NOLC1: variants seen among roughly 807,000 people sequenced by gnomAD.
The protein encoded by NOLC1 is 140 kDa nucleolar phosphoprotein.
Under a neutral mutation model 73.4 loss-of-function variants are expected in NOLC1, and 37 were observed. The ratio of observed to expected loss-of-function variants is 0.50; its 90% CI spans 0.39 to 0.66. NOLC1 has a LOEUF of 0.66. Among genes scored for constraint, NOLC1 ranks in the 30% least tolerant of loss-of-function variants. NOLC1 has a pLI of 0.00. For missense variants in NOLC1, 921 were observed against 838.9 expected (o/e 1.10, Z -1.21); for synonymous variants, 327 against 302.6 (o/e 1.08, Z -0.84).
At chr10:102,153,434 A>G (rs577370433) in intron 1 of NOLC1, among the ~76,000 whole-genome samples, 83 of 152,226 alleles carry the variant, frequency 5.5e-4, no homozygotes, top group African/African-American at 1.9e-3. Flanking sequence ...GAGAGGAGAG[A>G]GGGGGGGTCT....
chr10:102,159,719 T>C (rs1037168552), intron 7 of NOLC1, 151 bp downstream of exon 7: 2 of 1,099,440 alleles, frequency 1.8e-6, no homozygotes, highest in Non-Finnish European at 2.6e-6. Context: ...CAAGGAGAAA[T>C]CTCCAGTGCC....
At chr10:102,152,554 G>T (rs372638591) in intron 1 of NOLC1, 24 bp downstream of exon 1, 17 of 1,612,654 alleles carry the variant, frequency 1.1e-5, no homozygotes, top group Non-Finnish European at 1.4e-5. Flanking sequence ...TTGGGGCGGG[G>T]ACCGGGCTGA....
Position 102,157,212 on chromosome 10 carries a change from A to G in NOLC1, c.200A>G (p.Lys67Arg). Residue 67 changes from lysine to arginine, a missense_variant, in exon 3 of 13, where the codon AAG becomes AGG. Physicochemically the swap from Lys to Arg is conservative, Grantham distance 26. Transcript: ENST00000605788. ...WLKSAKVPER[K>R]LQANGPVAKK... ...AGGTCTGCCAAGGTCCCAGAGCGAA[A>G]GTTACAGGCAAATGGACCAGTGGCT... The G allele has an allele frequency of 6.2e-7, 1 of 1,614,202 alleles. No individual in the cohort carries two copies. Among genetic ancestry groups the G allele is most frequent in the African/African-American group, 1.3e-5 (1 of 75,034 alleles).
intron 3 of NOLC1, 27 bp from the exon 4 acceptor site, chr10:102,157,404 C>T (rs755138977): frequency 1.3e-5 from 21 of 1,613,806 alleles, no homozygotes; most frequent in Non-Finnish European, 1.5e-5. Flanking sequence ...ATGGCTGATT[C>T]TTACTGGGAC....
At position 102,160,693 on chromosome 10, in the gene NOLC1, C is replaced by G; in HGVS notation, c.1341C>G (p.Pro447=). 1 of 1,614,012 alleles carries G rather than the reference C, an allele frequency of 6.2e-7. No individual in the cohort carries two copies. Among genetic ancestry groups the G allele is most frequent in the Non-Finnish European group, 8.5e-7 (1 of 1,179,934 alleles). ...AGAAGATGGTGGCCACCACTAAGCC[C>G]AAGGCGACTGCCAAAGCAGCTCTAT... ...KTKKMVATTK[P]KATAKAALSL... is the part of the protein sequence containing the mutation. Residue 447 remains proline (P), a synonymous_variant, in exon 10 of 13, where the codon CCC becomes CCG. Coordinates refer to ENST00000605788, the MANE Select transcript of NOLC1 (RefSeq NM_004741.5).
chr10:102,154,036 A>C (rs1340072589), intron 1 of NOLC1, among the ~76,000 whole-genome samples: 1 of 150,308 alleles, frequency 6.7e-6, no homozygotes, highest in Non-Finnish European at 1.5e-5. Flanking sequence ...GAGCTAACTA[A>C]GGGTCAGATG....
intron 1 of NOLC1, among the ~76,000 whole-genome samples, chr10:102,156,287 G>A (rs1218740315): frequency 6.6e-6 from 1 of 151,930 alleles, no homozygotes; most frequent in African/African-American, 2.4e-5. Flanking sequence ...TTTTTTGGCA[G>A]AGGGGTAGAG....
chr10:102,154,508 C>T (rs113596444), intron 1 of NOLC1, among the ~76,000 whole-genome samples: 2 of 152,074 alleles, frequency 1.3e-5, no homozygotes, highest in African/African-American at 4.8e-5. Flanking sequence ...CCCATCTGTA[C>T]TGACTCTGAT....
In NOLC1 at chr10:102,152,418, A is replaced by G; in HGVS notation, c.8A>G (p.Asp3Gly). 1.2e-6 allele frequency: 2 copies of G among 1,610,528 alleles called. No homozygotes were observed. Among genetic ancestry groups the G allele is most frequent in the Non-Finnish European group, 1.7e-6 (2 of 1,180,008 alleles). The change falls in exon 1 of 13, where the codon GAC becomes GGC. Residue 3 changes from aspartate to glycine, a missense_variant. Physicochemically the swap from Asp to Gly is moderately conservative, Grantham distance 94. Transcript: ENST00000605788. MADAGIRRVVPSD... is the reference protein window; with the variant it reads MAGAGIRRVVPSD... ...ACGCGTATTGCCTGGAGGATGGCGG[A>G]CGCCGGCATTCGCCGCGTGGTTCCC... is the stretch of plus-strand genomic sequence containing the variant.
chr10:102,157,242 A>G lies in NOLC1; in HGVS notation c.230A>G (p.Lys77Arg), dbSNP rs1362600595. ...CAGGCAAATGGACCAGTGGCTAAGA[A>G]AGCTAAGAAGAAGGCCTCATCCAGT... ...KLQANGPVAKKAKKKASSSDS... is the reference protein window; with the variant it reads ...KLQANGPVAKRAKKKASSSDS... The change falls in exon 3 of 13, where the codon AAA becomes AGA. Residue 77 changes from lysine (K) to arginine (R), a missense_variant. Lys to Arg is a conservative substitution (Grantham distance 26). Coordinates refer to ENST00000605788, the MANE Select transcript of NOLC1 (RefSeq NM_004741.5). The G allele has an allele frequency of 1.9e-6, 3 of 1,614,200 alleles. No homozygotes were observed. The highest frequency in any genetic ancestry group is 2.5e-6 in the Non-Finnish European group (3 of 1,180,026).
intron 3 of NOLC1, 27 bp from the exon 4 acceptor site, chr10:102,157,404 C>A (rs755138977): frequency 5.0e-6 from 8 of 1,613,688 alleles, no homozygotes; most frequent in South Asian, 2.2e-5. Flanking sequence ...ATGGCTGATT[C>A]TTACTGGGAC....
Position 102,159,094 on chromosome 10 carries a change from A to T in NOLC1, c.608-99A>T, listed in dbSNP as rs1004462545. On this transcript the variant is annotated intron_variant, in intron 5 of 12. Coordinates refer to ENST00000605788, the MANE Select transcript of NOLC1 (RefSeq NM_004741.5). ...AAAAAAAAAAAAAAAAAAAAAAAAA[A>T]TGGTGGACTCCTAAGTTCTCTGCTC... The T allele has an allele frequency of 6.8e-5, 49 of 724,930 alleles. 1 individual carries two copies. In the East Asian group the frequency reaches 8.5e-4, roughly 13 times the overall value. 44.9% of individuals were successfully genotyped at this position (724,930 alleles called of 1,614,324 possible).
chr10:102,160,644 G>T lies in NOLC1; in HGVS notation c.1292G>T (p.Ser431Ile). The part of the protein sequence containing the change: ...ADSSSSEEES[S>I]SSEEEKTKKM... The stretch of plus-strand genomic sequence containing the variant: ...AGCAGCTCCAGTGAGGAAGAGAGCA[G>T]CTCCAGTGAGGAGGAGAAGACAAAG... Residue 431 changes from serine to isoleucine, a missense_variant, in exon 10 of 13, where the codon AGC becomes ATC. Ser to Ile is a moderately radical substitution (Grantham distance 142, BLOSUM62 -2). Transcript: ENST00000605788. The T allele has an allele frequency of 6.2e-7, 1 of 1,614,194 alleles. No individual in the cohort carries two copies. Among genetic ancestry groups the T allele is most frequent in the Non-Finnish European group, 8.5e-7 (1 of 1,180,018 alleles).
intron 1 of NOLC1, among the ~76,000 whole-genome samples, chr10:102,154,569 G>A (rs2069559071): frequency 6.6e-6 from 1 of 151,920 alleles, no homozygotes; most frequent in South Asian, 2.1e-4. Context: ...AGGCGGGAGT[G>A]CAGTGGTGCA....
At chr10:102,157,587 A>G in intron 4 of NOLC1, 32 bp downstream of exon 4, 1 of 1,601,354 alleles carries the variant, frequency 6.2e-7, no homozygotes, top group Non-Finnish European at 8.5e-7. Flanking sequence ...AAGGGGTTTA[A>G]GGATTAGAAA....
At position 102,163,849 on chromosome 10, in the gene NOLC1, A is replaced by T. The variant is rs966177558; in HGVS notation, c.*1580A>T. The T allele has an allele frequency of 1.3e-5, 2 of 152,216 alleles. No homozygotes were observed. Among genetic ancestry groups the T allele is most frequent in the Admixed American group, 6.5e-5 (1 of 15,276 alleles). 9.4% of individuals were successfully genotyped at this position (152,216 alleles called of 1,614,324 possible). A position where few individuals can be genotyped will look rare whatever the true frequency, so the allele number is the denominator to read the frequency against. ...GTTCTAAATCTTACTACAAAATAAT[A>T]AACTGGCTGGTTTATAATGTGTCTT... On this transcript the variant is annotated 3_prime_UTR_variant, in exon 13 of 13. Transcript: ENST00000605788.
chr10:102,163,214 C>T lies in NOLC1; in HGVS notation c.*945C>T, dbSNP rs2069742012. The T allele has an allele frequency of 6.6e-6, 1 of 152,038 alleles. No homozygotes were observed. The highest frequency in any genetic ancestry group is 2.4e-5 in the African/African-American group (1 of 41,388). 9.4% of individuals were successfully genotyped at this position (152,038 alleles called of 1,614,324 possible). On this transcript the variant is annotated 3_prime_UTR_variant, in exon 13 of 13. Transcript: ENST00000605788. The stretch of plus-strand genomic sequence containing the variant: ...GATACAGAATTGGTTTCATTAATTC[C>T]TACATGGTTGAGAATCACTGATCAA...
In NOLC1 at chr10:102,158,191, A is replaced by G; in HGVS notation, c.584A>G (p.Gln195Arg). The change falls in exon 5 of 13, where the codon CAG becomes CGG. Residue 195 changes from glutamine (Q) to arginine (R), a missense_variant. Transcript: ENST00000605788. The stretch of plus-strand genomic sequence containing the variant: ...ATAACACCTGTGACAGTTAAAGCTC[A>G]GACTAAAGCCCCTCCCAAACCAGGT... ...PKITPVTVKA[Q>R]TKAPPKPARA... is the part of the protein sequence containing the mutation. The G allele has an allele frequency of 6.2e-7, 1 of 1,613,580 alleles. No homozygotes were observed. Among genetic ancestry groups the G allele is most frequent in the East Asian group, 2.2e-5 (1 of 44,888 alleles).
Position 102,159,099 on chromosome 10 carries a change from G to C in NOLC1, c.608-94G>C, listed in dbSNP as rs144814675. 2.4e-3 allele frequency: 2,028 copies of C among 853,462 alleles called. 25 individuals are homozygous for C. The African/African-American group carries it at 0.032, about 13-fold the overall frequency. 52.9% of individuals were successfully genotyped at this position (853,462 alleles called of 1,614,324 possible). On this transcript the variant is annotated intron_variant, in intron 5 of 12. Coordinates refer to ENST00000605788, the MANE Select transcript of NOLC1 (RefSeq NM_004741.5). ...AAAAAAAAAAAAAAAAAAAAATGGT[G>C]GACTCCTAAGTTCTCTGCTCATAGG...
Sources: allele counts gnomAD v4.1 joint callset (sites outside exome capture counted in the v4.1 genomes callset), GRCh38; gene constraint gnomAD v4.1.1; transcripts MANE v1.5; gene names NCBI Gene and HGNC (gene_info 2026-07-23, HGNC 2026-07-21).